Variants in POLN observed in about 807,000 individuals in gnomAD.
The protein encoded by POLN is DNA polymerase N.
Under a neutral mutation model 113.5 loss-of-function variants are expected in POLN, and 108 were observed. The ratio of observed to expected loss-of-function variants is 0.95; its 90% CI spans 0.81 to 1.12. POLN has a LOEUF of 1.12. POLN is among the 50% of genes most tolerant of loss of function. The pLI is 0.00. For synonymous variants in POLN, 386 were observed against 391.5 expected (o/e 0.99, Z 0.17); for missense variants, 1,097 against 1,077.1 (o/e 1.02, Z -0.26).
intron 23 of POLN, chr4:2,077,031 G>A (rs1187797976): frequency 1.1e-4 from 16 of 152,208 alleles, no homozygotes; most frequent in African/African-American, 3.9e-4. Context: ...CAGGGAGGGA[G>A]GTAAGGAGTG....
chr4:2,158,638 G>C (rs1732498195), intron 14 of POLN, among the ~76,000 whole-genome samples: 1 of 152,152 alleles, frequency 6.6e-6, no homozygotes, highest in Non-Finnish European at 1.5e-5. Flanking sequence ...TGTGGGCAGT[G>C]GCAAAAGCTA....
At chr4:2,161,268 C>T (rs1047915858) in intron 13 of POLN, among the ~76,000 whole-genome samples, 5 of 152,170 alleles carry the variant, frequency 3.3e-5, no homozygotes, top group African/African-American at 1.2e-4. Context: ...GGAGGTGTGG[C>T]GGGAGAGGCA....
chr4:2,095,731 G>C, intron 20 of POLN, 120 bp downstream of exon 20: 2 of 880,064 alleles, frequency 2.3e-6, no homozygotes, highest in Non-Finnish European at 3.8e-6. Context: ...TGTCATCAGA[G>C]CATAAACAAC....
At position 2,089,556 on chromosome 4, in the gene POLN, A is replaced by G; in HGVS notation, c.2066-3812T>C. On this transcript the variant is annotated intron_variant, in intron 20 of 25. Transcript: ENST00000511885. ...AAATGTAATTCTTGGCACTTTGTTC[A>G]ACTAAAGAAACACTTCCAACTTCAG... is the stretch of plus-strand genomic sequence containing the variant. 3 of 1,140,746 alleles carry G rather than the reference A, an allele frequency of 2.6e-6. No individual in the cohort carries two copies. The South Asian group carries it at 4.6e-5, about 17-fold the overall frequency. The allele number at this position is 1,140,746 out of a possible 1,614,324, so 70.7% of individuals were successfully genotyped here. A position where few individuals can be genotyped will look rare whatever the true frequency, so the allele number is the denominator to read the frequency against.
chr4:2,084,582 T>A (rs1730505527), intron 21 of POLN, among the ~76,000 whole-genome samples: 1 of 152,230 alleles, frequency 6.6e-6, no homozygotes, highest in Non-Finnish European at 1.5e-5. Flanking sequence ...CCGTCTGCTG[T>A]GAGACCAACA....
chr4:2,240,205 T>C (rs200692958), intron 2 of POLN: 5 of 1,613,896 alleles, frequency 3.1e-6, no homozygotes, highest in Non-Finnish European at 4.2e-6. Context: ...TTATCACAAA[T>C]AGATGGTGTC....
intron 7 of POLN, among the ~76,000 whole-genome samples, chr4:2,190,086 C>A (rs766434468): frequency 6.6e-6 from 1 of 151,378 alleles, no homozygotes; most frequent in African/African-American, 2.4e-5. Context: ...AACCAAACAC[C>A]CTGAATAGCC....
At chr4:2,122,540 A>G in intron 19 of POLN, among the ~76,000 whole-genome samples, 1 of 152,126 alleles carries the variant, frequency 6.6e-6, no homozygotes, top group Non-Finnish European at 1.5e-5. Flanking sequence ...ATGAGATACC[A>G]CTTCACACTC....
At chr4:2,170,971 G>A in intron 12 of POLN, 127 bp downstream of exon 12, 2 of 931,258 alleles carry the variant, frequency 2.1e-6, no homozygotes, top group South Asian at 3.4e-5. Context: ...CATTACTTGT[G>A]AGAGAACATG....
intron 21 of POLN, among the ~76,000 whole-genome samples, chr4:2,084,500 T>A (rs1730503742): frequency 6.6e-6 from 1 of 152,310 alleles, no homozygotes; most frequent in Admixed American, 6.5e-5. Flanking sequence ...AGCAAGCGGC[T>A]TGTGTCTCAG....
intron 7 of POLN, among the ~76,000 whole-genome samples, chr4:2,182,839 T>C (rs962658527): frequency 3.4e-5 from 5 of 145,590 alleles, no homozygotes; most frequent in African/African-American, 5.0e-5. Flanking sequence ...AAAAAAAAAG[T>C]GTGCTTCAAA....
intron 23 of POLN, chr4:2,079,774 G>A (rs1319807938): frequency 1.1e-5 from 9 of 806,944 alleles, no homozygotes; most frequent in African/African-American, 1.9e-5. Flanking sequence ...TAGTAGTGAC[G>A]ATGTTTTACC....
chr4:2,215,890 C>A (rs1360318468), intron 3 of POLN, among the ~76,000 whole-genome samples: 3 of 152,226 alleles, frequency 2.0e-5, no homozygotes, highest in Non-Finnish European at 4.4e-5. Context: ...ATGCTAACTC[C>A]TCACCCTTGC....
chr4:2,194,965 TA>T (rs35816269), intron 6 of POLN, among the ~76,000 whole-genome samples: 2,936 of 152,118 alleles, frequency 0.019, 106 homozygotes, highest in African/African-American at 0.067. Context: ...TTTATATATA[TA>T]AAAGCTAGAT....
chr4:2,079,485 C>T (rs540618416), intron 23 of POLN: 10 of 985,532 alleles, frequency 1.0e-5, no homozygotes, highest in East Asian at 1.1e-4. Context: ...TGGGTGAACA[C>T]GTGTATGGGT....
intron 23 of POLN, among the ~76,000 whole-genome samples, chr4:2,077,763 C>T (rs1381924663): frequency 6.6e-6 from 1 of 152,232 alleles, no homozygotes; most frequent in Non-Finnish European, 1.5e-5. Flanking sequence ...GTGCAGTTGT[C>T]AGTCACTCAC....
intron 11 of POLN, among the ~76,000 whole-genome samples, chr4:2,172,393 C>T (rs937030905): frequency 1.7e-5 from 1 of 59,370 alleles, no homozygotes; most frequent in Non-Finnish European, 7.2e-5. Flanking sequence ...CAACCGCCTC[C>T]AACAATGATA....
At chr4:2,113,906 T>C (rs1200080436) in intron 19 of POLN, among the ~76,000 whole-genome samples, 1 of 145,808 alleles carries the variant, frequency 6.9e-6, no homozygotes, top group East Asian at 2.0e-4. Flanking sequence ...AATAATAATG[T>C]CTTTTTTTTT....
chr4:2,198,577 T>C lies in POLN; in HGVS notation c.855A>G (p.Ile285Met), dbSNP rs1473191316. Residue 285 changes from isoleucine to methionine, a missense_variant, in exon 6 of 26, where the codon ATA becomes ATG. By Grantham distance (10) the Ile-to-Met change is conservative. Transcript: ENST00000511885. ...CTTGGTCCCAGATAGCAGAGTGCTC[T>C]ATTTGAATGTAGATGCATGGATCAT... ...VSDDPCIYIQIEHSAIWDQEQ... is the reference protein window; with the variant it reads ...VSDDPCIYIQMEHSAIWDQEQ... 1 of 1,613,576 alleles carries C rather than the reference T, an allele frequency of 6.2e-7. No homozygotes were observed. The highest frequency in any genetic ancestry group is 1.3e-5 in the African/African-American group (1 of 74,890).
Sources: allele counts gnomAD v4.1 joint callset (sites outside exome capture counted in the v4.1 genomes callset), GRCh38; gene constraint gnomAD v4.1.1; transcripts MANE v1.5; gene names NCBI Gene and HGNC (gene_info 2026-07-23, HGNC 2026-07-21).